Variants in FHIT observed in about 807,000 individuals in gnomAD.
FHIT encodes the protein bis(5'-adenosyl)-triphosphatase.
In FHIT, 19 loss-of-function variants were observed where a neutral mutation model predicts 17.9. That is an observed-to-expected ratio of 1.06 (90% CI 0.74 to 1.56). The LOEUF (loss-of-function observed/expected upper bound fraction) is 1.56, where lower values mean the gene tolerates loss of function less well. Ranked by LOEUF, FHIT falls within the 40% of genes most tolerant of loss-of-function variation. The probability of loss-of-function intolerance (pLI) is 0.00; values close to 1 mark genes in which losing one functional copy is unlikely to be tolerated. For missense variants in FHIT, 248 were observed against 189.2 expected, an observed-to-expected ratio of 1.31 and a Z score of -1.82; for synonymous variants, 81 against 69.7, an observed-to-expected ratio of 1.16 and a Z score of -0.81.
intron 5 of FHIT, among the ~76,000 whole-genome samples, chr3:60,408,955 G>A (rs543400186): frequency 6.6e-6 from 1 of 152,066 alleles, no homozygotes; most frequent in African/African-American, 2.4e-5. Flanking sequence ...AAAAAATTCT[G>A]TAGCACAGAG....
chr3:60,112,349 A>G lies in FHIT; in HGVS notation c.104-98197T>C, dbSNP rs115516135. On this transcript the variant is annotated intron_variant, in intron 5 of 9. Transcript: ENST00000492590. ...AAATCAAGAACTTGTCACCATTACA[A>G]CTGACTCTACTAATGCAAGAAACCA... Among the ~76,000 whole-genome samples, 349 of 152,264 alleles carry G rather than the reference A, an allele frequency of 2.3e-3. 2 individuals are homozygous for G. The highest frequency in any genetic ancestry group is 5.1e-3 in the Admixed American group (78 of 15,302).
At chr3:61,216,276 T>C (rs1014877842) in intron 1 of FHIT, among the ~76,000 whole-genome samples, 1 of 152,134 alleles carries the variant, frequency 6.6e-6, no homozygotes, top group Non-Finnish European at 1.5e-5. Flanking sequence ...GAATCTACAA[T>C]GAACTCAAAT....
intron 4 of FHIT, among the ~76,000 whole-genome samples, chr3:60,610,649 C>G (rs2107731311): frequency 6.6e-6 from 1 of 152,274 alleles, no homozygotes; most frequent in African/African-American, 2.4e-5. Context: ...TACTGCCTGC[C>G]TGAAAGGACT....
At chr3:61,134,128 C>CACACACACACACAT (rs1477210475) in intron 2 of FHIT, among the ~76,000 whole-genome samples, 1 of 151,772 alleles carries the variant, frequency 6.6e-6, no homozygotes, top group Non-Finnish European at 1.5e-5. Flanking sequence ...CACACACACA[C>CACACACACACACAT]ACAAAGAGGT....
intron 2 of FHIT, among the ~76,000 whole-genome samples, chr3:61,181,088 T>A (rs2038326329): frequency 6.6e-6 from 1 of 152,216 alleles, no homozygotes; most frequent in African/African-American, 2.4e-5. Flanking sequence ...GAAGTTAAAG[T>A]AATATTCTTA....
Position 60,087,754 on chromosome 3 carries a change from A to G in FHIT, c.104-73602T>C, listed in dbSNP as rs148781017. ...CTGAGACCTTGTCAGCATGGATTTT[A>G]CAGTCTATATTTCTATCAGCATTTT... is the stretch of plus-strand genomic sequence containing the variant. On this transcript the variant is annotated intron_variant, in intron 5 of 9. Coordinates refer to ENST00000492590, the MANE Select transcript of FHIT (RefSeq NM_002012.4). Among the ~76,000 whole-genome samples the G allele has an allele frequency of 6.7e-3, 1,013 of 152,272 alleles. 6 individuals carry two copies. The highest frequency in any genetic ancestry group is 0.017 in the Middle Eastern group (5 of 294).
chr3:60,639,558 T>C (rs2107788607), intron 4 of FHIT, among the ~76,000 whole-genome samples: 1 of 152,238 alleles, frequency 6.6e-6, no homozygotes. Flanking sequence ...TAGGACAAAC[T>C]AGAAATAGAC....
intron 7 of FHIT, among the ~76,000 whole-genome samples, chr3:59,946,455 TATC>T (rs745424618): frequency 8.5e-5 from 13 of 152,202 alleles, no homozygotes; most frequent in Non-Finnish European, 1.8e-4. Flanking sequence ...CATAAAATCA[TATC>T]ATTTCCAACA....
chr3:60,626,736 G>A (rs1287676502), intron 4 of FHIT, among the ~76,000 whole-genome samples: 2 of 150,014 alleles, frequency 1.3e-5, no homozygotes, highest in African/African-American at 2.4e-5. Flanking sequence ...GAATGGAAAT[G>A]GCAAGAGGGG....
chr3:60,009,196 TGTGTGTGTG>T (rs1700043401), intron 7 of FHIT, among the ~76,000 whole-genome samples: 1 of 148,868 alleles, frequency 6.7e-6, no homozygotes, highest in African/African-American at 2.5e-5. Context: ...TGTGTGTGTG[TGTGTGTGTG>T]TGTGTGTGTG....
At chr3:60,342,465 A>T (rs755680674) in intron 5 of FHIT, among the ~76,000 whole-genome samples, 3 of 152,178 alleles carry the variant, frequency 2.0e-5, no homozygotes, top group Non-Finnish European at 2.9e-5. Context: ...TTTAACATAA[A>T]ATTTACCATT....
At chr3:61,034,353 T>C (rs967683594) in intron 3 of FHIT, among the ~76,000 whole-genome samples, 2 of 151,964 alleles carry the variant, frequency 1.3e-5, no homozygotes, top group African/African-American at 4.8e-5. Flanking sequence ...AACATATTTG[T>C]AAATCATATA....
At chr3:60,387,020 A>ACTCTTTTT (rs1443642254) in intron 5 of FHIT, among the ~76,000 whole-genome samples, 8 of 70,792 alleles carry the variant, frequency 1.1e-4, no homozygotes, top group Non-Finnish European at 2.5e-4. Context: ...AATTCTATTT[A>ACTCTTTTT]TTCTTTTTTT....
chr3:59,837,606 C>G (rs926752287), intron 8 of FHIT, among the ~76,000 whole-genome samples: 10 of 152,230 alleles, frequency 6.6e-5, no homozygotes, highest in Middle Eastern at 3.4e-3. Context: ...CAGGATTACA[C>G]AAGTAAACAA....
chr3:60,356,358 A>G, intron 5 of FHIT, among the ~76,000 whole-genome samples: 1 of 152,204 alleles, frequency 6.6e-6, no homozygotes. Flanking sequence ...CAAAACCAAC[A>G]ATGAGGAAGA....
At chr3:61,082,258 C>G (rs1219736297) in intron 2 of FHIT, among the ~76,000 whole-genome samples, 1 of 152,136 alleles carries the variant, frequency 6.6e-6, no homozygotes, top group Admixed American at 6.5e-5. Context: ...TCCTCCTGCT[C>G]CAGCCCAAAG....
rs1433547327 is a variant in FHIT, at chr3:60,971,874, T to G, written c.-111+70173A>C. On this transcript the variant is annotated intron_variant, in intron 3 of 9. Coordinates refer to ENST00000492590, the MANE Select transcript of FHIT (RefSeq NM_002012.4). ...TATCAAGAGAAAATTCCCCCATCTA[T>G]GTTTACTTAGTCATACAAGAGATGT... is the stretch of plus-strand genomic sequence containing the variant. 1.1e-4 allele frequency among the ~76,000 whole-genome samples: 16 copies of G among 152,228 alleles called. 1 individual carries two copies. Among genetic ancestry groups the G allele is most frequent in the Admixed American group, 1.0e-3 (16 of 15,282 alleles).
chr3:60,976,096 C>CTTTTTTTTTT (rs869239307), intron 3 of FHIT, among the ~76,000 whole-genome samples: 787 of 66,782 alleles, frequency 0.012, 123 homozygotes, highest in African/African-American at 0.017. Context: ...TTTTCTTTTT[C>CTTTTTTTTTT]TTTTTTTTTT....
intron 5 of FHIT, among the ~76,000 whole-genome samples, chr3:60,096,203 G>T (rs1309202900): frequency 6.6e-6 from 1 of 152,114 alleles, no homozygotes; most frequent in African/African-American, 2.4e-5. Context: ...AGCAGAATGA[G>T]GATACACTGA....
Sources: gnomAD v4.1 joint callset for allele counts (sites outside exome capture counted in the v4.1 genomes callset) on GRCh38, gnomAD v4.1.1 for gene constraint, MANE v1.5 for transcripts, NCBI Gene and HGNC (gene_info 2026-07-23, HGNC 2026-07-21) for gene names.